The following PSD3 variants were observed in gnomAD, a reference collection of about 807,000 sequenced individuals.
PSD3 encodes the protein PH and SEC7 domain-containing protein 3.
PSD3 carries 49 observed loss-of-function variants against 105.5 expected under a neutral mutation model. The observed-to-expected ratio is 0.46, with a 90% CI of 0.37 to 0.59. The LOEUF is 0.59. Ranked by LOEUF, PSD3 falls within the 20% of genes least tolerant of loss-of-function variation. PSD3 has a pLI of 0.00. For synonymous variants in PSD3, 557 were observed against 457.8 expected, an observed-to-expected ratio of 1.22 and a Z score of -2.77; for missense variants, 1,561 against 1,263.8, an observed-to-expected ratio of 1.24 and a Z score of -3.57.
At chr8:18,546,763 T>G (rs112426715) in intron 15 of PSD3, among the ~76,000 whole-genome samples, 27 of 152,326 alleles carry the variant, frequency 1.8e-4, no homozygotes, top group African/African-American at 6.3e-4. Flanking sequence ...CATTTGTACC[T>G]TTTGATCAAC....
intron 2 of PSD3, among the ~76,000 whole-genome samples, chr8:18,893,688 AG>A (rs1167668355): frequency 1.3e-5 from 2 of 152,100 alleles, no homozygotes; most frequent in Non-Finnish European, 2.9e-5. Flanking sequence ...GCTAGAGGGC[AG>A]GGAAGCAGGA....
At chr8:18,679,351 G>T (rs552396166) in intron 9 of PSD3, among the ~76,000 whole-genome samples, 18 of 152,334 alleles carry the variant, frequency 1.2e-4, no homozygotes, top group Admixed American at 3.9e-4. Flanking sequence ...AGAGGTGATG[G>T]TGCCTTTCAA....
intron 8 of PSD3, among the ~76,000 whole-genome samples, chr8:18,773,772 T>C (rs1807771967): frequency 6.6e-6 from 1 of 152,196 alleles, no homozygotes; most frequent in Non-Finnish European, 1.5e-5. Flanking sequence ...TGTCTGTCCA[T>C]TTCTTTACAT....
At chr8:18,557,163 C>T (rs1051999301) in intron 14 of PSD3, among the ~76,000 whole-genome samples, 2 of 152,300 alleles carry the variant, frequency 1.3e-5, no homozygotes, top group Admixed American at 6.5e-5. Flanking sequence ...AATTCTCTTG[C>T]ATTCTTGAAA....
At chr8:19,000,545 G>C (rs1200274992) in intron 1 of PSD3, 1 of 151,708 alleles carries the variant, frequency 6.6e-6, no homozygotes, top group Non-Finnish European at 1.5e-5. Context: ...GAAAGAGCTG[G>C]GTGAGGAAAT....
intron 2 of PSD3, among the ~76,000 whole-genome samples, chr8:18,877,514 C>CA (rs997828832): frequency 1.2e-3 from 182 of 151,432 alleles, no homozygotes; most frequent in Non-Finnish European, 2.0e-3. Flanking sequence ...TCTGGACTCT[C>CA]AAGTCCATTG....
At chr8:19,025,399 ACTCACACTCCC>A (rs1186075013) in intron 1 of PSD3, among the ~76,000 whole-genome samples, 6 of 152,024 alleles carry the variant, frequency 3.9e-5, no homozygotes, top group African/African-American at 1.2e-4. Context: ...GAGTACACAC[ACTCACACTCCC>A]CTTTCTTGAG....
intron 4 of PSD3, among the ~76,000 whole-genome samples, chr8:18,819,896 T>G (rs2129449195): frequency 6.6e-6 from 1 of 152,320 alleles, no homozygotes; most frequent in East Asian, 1.9e-4. Flanking sequence ...TTCTCATGCA[T>G]CAACCAGTGT....
intron 4 of PSD3, among the ~76,000 whole-genome samples, chr8:18,856,563 T>C (rs1816024788): frequency 6.6e-6 from 1 of 152,240 alleles, no homozygotes; most frequent in Non-Finnish European, 1.5e-5. Flanking sequence ...TGCTTCGCAA[T>C]AGTAACTATT....
At chr8:18,867,458 T>C (rs946624753) in intron 4 of PSD3, among the ~76,000 whole-genome samples, 1 of 152,158 alleles carries the variant, frequency 6.6e-6, no homozygotes, top group Non-Finnish European at 1.5e-5. Flanking sequence ...ATCCAGGAAA[T>C]CCCACAGACT....
chr8:18,766,583 T>C (rs1807021035), intron 8 of PSD3, among the ~76,000 whole-genome samples: 1 of 152,168 alleles, frequency 6.6e-6, no homozygotes, highest in East Asian at 1.9e-4. Context: ...TGTTTATGCA[T>C]TTATTTGTGT....
At chr8:18,995,533 A>T (rs1826031525) in intron 1 of PSD3, among the ~76,000 whole-genome samples, 1 of 152,068 alleles carries the variant, frequency 6.6e-6, no homozygotes, top group Non-Finnish European at 1.5e-5. Flanking sequence ...AAAATAAACC[A>T]GGAAGTATTA....
intron 1 of PSD3, among the ~76,000 whole-genome samples, chr8:19,081,069 AG>A (rs1829630903): frequency 6.6e-6 from 1 of 152,132 alleles, no homozygotes. Flanking sequence ...GTTCCCACAG[AG>A]GGGCAGCAGC....
At chr8:18,594,506 A>G (rs73211755) in intron 12 of PSD3, among the ~76,000 whole-genome samples, 5,073 of 142,926 alleles carry the variant, frequency 0.035, 148 homozygotes, top group East Asian at 0.11. Context: ...TAGGTAAACG[A>G]AAGTTGAGAG....
intron 12 of PSD3, among the ~76,000 whole-genome samples, chr8:18,585,027 G>A (rs962431395): frequency 1.3e-5 from 2 of 152,140 alleles, no homozygotes; most frequent in African/African-American, 4.8e-5. Context: ...TGAGGAATGG[G>A]GTGATATGGT....
chr8:19,058,071 A>G (rs887007205), intron 1 of PSD3, among the ~76,000 whole-genome samples: 1 of 152,178 alleles, frequency 6.6e-6, no homozygotes, highest in African/African-American at 2.4e-5. Context: ...TAAACAAACT[A>G]AGGGTCACCT....
intron 9 of PSD3, among the ~76,000 whole-genome samples, chr8:18,737,343 G>A (rs916791572): frequency 2.6e-5 from 4 of 152,152 alleles, no homozygotes; most frequent in South Asian, 2.1e-4. Flanking sequence ...GTGTGTGTGC[G>A]TGTGACGGGG....
At chr8:19,055,726 G>C (rs1828689515) in intron 1 of PSD3, among the ~76,000 whole-genome samples, 1 of 152,234 alleles carries the variant, frequency 6.6e-6, no homozygotes, top group Non-Finnish European at 1.5e-5. Flanking sequence ...ATTAAGACAA[G>C]TGCACTGAAA....
intron 4 of PSD3, among the ~76,000 whole-genome samples, chr8:18,834,516 C>G (rs979567348): frequency 3.9e-5 from 6 of 152,216 alleles, no homozygotes; most frequent in Non-Finnish European, 8.8e-5. Context: ...AGCCTCAGCT[C>G]TCTATGCTGA....
Sources: allele counts gnomAD v4.1 joint callset (sites outside exome capture counted in the v4.1 genomes callset), GRCh38; gene constraint gnomAD v4.1.1; transcripts MANE v1.5; gene names NCBI Gene and HGNC (gene_info 2026-07-23, HGNC 2026-07-21).